The following NSMAF variants were observed in gnomAD, a reference collection of about 807,000 sequenced individuals.
NSMAF encodes the protein protein FAN.
Under a neutral mutation model 134.9 loss-of-function variants are expected in NSMAF, and 90 were observed. The observed-to-expected ratio is 0.67, with a 90% confidence interval of 0.56 to 0.79. The LOEUF (loss-of-function observed/expected upper bound fraction) is 0.79. NSMAF is among the 30% of genes least tolerant of loss of function. NSMAF has a pLI of 0.00. For missense variants in NSMAF, 1,010 were observed against 1,119.0 expected (o/e 0.90, Z 1.39); for synonymous variants, 358 against 389.6 (o/e 0.92, Z 0.96).
intron 9 of NSMAF, among the ~76,000 whole-genome samples, chr8:58,622,750 T>C (rs575764031): frequency 9.9e-5 from 15 of 151,984 alleles, no homozygotes; most frequent in Non-Finnish European, 1.9e-4. Context: ...CCCAGGCTGG[T>C]CTCAAACTCT....
In NSMAF at chr8:58,597,734, C is replaced by T. The variant is rs889014507; in HGVS notation, c.1628+126G>A. 7.7e-6 allele frequency: 7 copies of T among 906,490 alleles called. No individual in the cohort carries two copies. The Admixed American group carries it at 1.3e-4, about 17-fold the overall frequency. 56.2% of individuals were successfully genotyped at this position (906,490 alleles called of 1,614,324 possible). A position where few individuals can be genotyped will look rare whatever the true frequency, so the allele number is the denominator to read the frequency against. Reference sequence around the variant, plus strand: ...TATTTTCTGATGCTCAGTAACACAACAGTGAAAGCAAGATAGAATTCATTT... The same window carrying T: ...TATTTTCTGATGCTCAGTAACACAATAGTGAAAGCAAGATAGAATTCATTT... On this transcript the variant is annotated intron_variant, in intron 20 of 30. Coordinates refer to ENST00000038176, the MANE Select transcript of NSMAF (RefSeq NM_003580.4).
At chr8:58,617,690 G>A (rs1292943165) in intron 9 of NSMAF, among the ~76,000 whole-genome samples, 2 of 152,138 alleles carry the variant, frequency 1.3e-5, no homozygotes, top group African/African-American at 4.8e-5. Context: ...TGGAGAAATA[G>A]GAACACTTTT....
intron 16 of NSMAF, among the ~76,000 whole-genome samples, chr8:58,600,397 G>C (rs963754615): frequency 6.6e-6 from 1 of 152,006 alleles, no homozygotes; most frequent in African/African-American, 2.4e-5. Flanking sequence ...GGCCAAGGCG[G>C]GTGGATCACG....
chr8:58,591,016 C>G, intron 23 of NSMAF, 82 bp from the exon 24 acceptor site: 1 of 1,452,510 alleles, frequency 6.9e-7, no homozygotes, highest in South Asian at 1.2e-5. Context: ...TCTTCTTGTT[C>G]CTGGTGGCCA....
Position 58,633,202 on chromosome 8 carries a change from C to A in NSMAF, c.334-1656G>T, listed in dbSNP as rs183547856. 5.7e-3 allele frequency among the ~76,000 whole-genome samples: 861 copies of A among 152,346 alleles called. 7 individuals are homozygous for A. The highest frequency in any genetic ancestry group is 0.019 in the African/African-American group (807 of 41,574). On this transcript the variant is annotated intron_variant, in intron 5 of 30. Transcript: ENST00000038176. Reference sequence around the variant, plus strand: ...CCCACAAGGCCCCGCATGACACGGTCCCTGCCCCTATTCCAGCCTCCCTTG... The same window carrying A: ...CCCACAAGGCCCCGCATGACACGGTACCTGCCCCTATTCCAGCCTCCCTTG...
At chr8:58,647,873 C>T (rs1807494961) in intron 1 of NSMAF, among the ~76,000 whole-genome samples, 1 of 152,030 alleles carries the variant, frequency 6.6e-6, no homozygotes, top group South Asian at 2.1e-4. Context: ...AAAATTGGCA[C>T]CAGGGAGTAG....
In NSMAF at chr8:58,605,939, C is replaced by T. The variant is rs751525494; in HGVS notation, c.856G>A (p.Ala286Thr). 5.1e-6 allele frequency: 8 copies of T among 1,571,820 alleles called. No homozygotes were observed. The Admixed American group carries it at 5.8e-5, about 11-fold the overall frequency. ...QDRDDLYFYI[A>T]TYLEHHVAEH... ...GTGAGCGCCAAACCTAGGTATGTGG[C>T]AATGTAAAAATAGAGATCATCTCTA... is the stretch of plus-strand genomic sequence containing the variant. The change falls in exon 12 of 31, where the codon GCC becomes ACC. Residue 286 changes from alanine (A) to threonine (T), a missense_variant. Coordinates refer to ENST00000038176, the MANE Select transcript of NSMAF (RefSeq NM_003580.4).
At position 58,584,088 on chromosome 8, in the gene NSMAF, C is replaced by A; in HGVS notation, c.*18G>T. 1.3e-6 allele frequency: 2 copies of A among 1,570,366 alleles called. No homozygotes were observed. The highest frequency in any genetic ancestry group is 1.8e-6 in the Non-Finnish European group (2 of 1,140,392). On this transcript the variant is annotated 3_prime_UTR_variant, in exon 31 of 31. Coordinates refer to ENST00000038176, the MANE Select transcript of NSMAF (RefSeq NM_003580.4). Reference sequence around the variant, plus strand: ...ATTAAATAGAGTTCAATTTAATATTCAGGAGAGGAAAAGGCACTTAATACT... The same window carrying A: ...ATTAAATAGAGTTCAATTTAATATTAAGGAGAGGAAAAGGCACTTAATACT...
intron 23 of NSMAF, among the ~76,000 whole-genome samples, chr8:58,591,481 CTT>C (rs1018380152): frequency 6.4e-4 from 60 of 94,480 alleles, no homozygotes; most frequent in African/African-American, 2.5e-3. Flanking sequence ...AGAAACCTTC[CTT>C]TTTTTTTTTT....
chr8:58,600,450 T>C (rs948116230), intron 16 of NSMAF, among the ~76,000 whole-genome samples: 3 of 151,776 alleles, frequency 2.0e-5, no homozygotes, highest in Admixed American at 6.5e-5. Flanking sequence ...TGGTGAAACC[T>C]CATCTCTACT....
chr8:58,601,560 ATAGAGCT>A, intron 14 of NSMAF, 25 bp from the exon 15 acceptor site: 1 of 1,575,248 alleles, frequency 6.3e-7, no homozygotes, highest in Admixed American at 2.1e-5. Flanking sequence ...AAAAAAAAAA[ATAGAGCT>A]AAGTGTTGGC....
chr8:58,643,131 A>C (rs1807372695), intron 1 of NSMAF, 58 bp from the exon 2 acceptor site: 3 of 1,241,346 alleles, frequency 2.4e-6, no homozygotes, highest in African/African-American at 1.5e-5. Flanking sequence ...ATAAGAAGGC[A>C]ATATATTTAA....
chr8:58,590,074 C>T lies in NSMAF; in HGVS notation c.2020G>A (p.Ala674Thr). 8 of 1,612,130 alleles carry T rather than the reference C, an allele frequency of 5.0e-6. No homozygotes were observed. The highest frequency in any genetic ancestry group is 6.8e-6 in the Non-Finnish European group (8 of 1,178,236). ...GGTAAAAGTAAACAAGACGATAAAG[C>T]CTGAAATACAAATGATTTGACGTTA... ...LQRSISFSNM[A>T]LSSCLLLPGD... The change falls in exon 25 of 31, where the codon GCT becomes ACT. Residue 674 changes from alanine (A) to threonine (T), a missense_variant and splice_region_variant. Ala to Thr is a moderately conservative substitution (Grantham distance 58). Coordinates refer to ENST00000038176, the MANE Select transcript of NSMAF (RefSeq NM_003580.4).
Position 58,611,438 on chromosome 8 carries a change from G to A in NSMAF, c.558-1705C>T, listed in dbSNP as rs550503853. 3.3e-5 allele frequency among the ~76,000 whole-genome samples: 5 copies of A among 152,214 alleles called. No individual in the cohort carries two copies. The East Asian group carries it at 5.8e-4, about 18-fold the overall frequency. On this transcript the variant is annotated intron_variant, in intron 9 of 30. Transcript: ENST00000038176. ...GCCTGTGGTCCCAGCTACTCAGGAC[G>A]CTGAGGATCACTTGAGCCCGGGAGG...
intron 1 of NSMAF, among the ~76,000 whole-genome samples, chr8:58,654,019 C>T (rs980563904): frequency 6.6e-6 from 1 of 152,080 alleles, no homozygotes; most frequent in East Asian, 1.9e-4. Flanking sequence ...TTTCCTCTCC[C>T]GCTGTTTTTC....
At chr8:58,586,021 C>T in intron 28 of NSMAF, 21 bp from the exon 29 acceptor site, 1 of 1,558,712 alleles carries the variant, frequency 6.4e-7, no homozygotes, top group Non-Finnish European at 8.8e-7. Context: ...AGGTGAGACT[C>T]AGATATGAGT....
In NSMAF at chr8:58,590,004, T is replaced by A; in HGVS notation, c.2087+3A>T. The A allele has an allele frequency of 6.2e-7, 1 of 1,612,736 alleles. No homozygotes were observed. Among genetic ancestry groups the A allele is most frequent in the Non-Finnish European group, 8.5e-7 (1 of 1,178,734 alleles). On this transcript the variant is annotated splice_donor_region_variant and intron_variant, in intron 25 of 30. Transcript: ENST00000038176. Reference sequence around the variant, plus strand: ...TCACAGAGCAGGGTGCACAGATACATACACATTATTATCCCATGAAGAAGT... The same window carrying A: ...TCACAGAGCAGGGTGCACAGATACAAACACATTATTATCCCATGAAGAAGT...
chr8:58,624,248 T>C (rs1001831366), intron 6 of NSMAF, among the ~76,000 whole-genome samples: 2 of 151,968 alleles, frequency 1.3e-5, no homozygotes, highest in Non-Finnish European at 2.9e-5. Flanking sequence ...GGTTTCACCA[T>C]GTTGGCCAGG....
chr8:58,602,763 T>A (rs752018366), intron 13 of NSMAF, among the ~76,000 whole-genome samples: 7 of 152,206 alleles, frequency 4.6e-5, no homozygotes, highest in Non-Finnish European at 8.8e-5. Flanking sequence ...AAAGTGGTTA[T>A]CTCTGTAATA....
Sources: gnomAD v4.1 joint callset for allele counts (sites outside exome capture counted in the v4.1 genomes callset) on GRCh38, gnomAD v4.1.1 for gene constraint, MANE v1.5 for transcripts, NCBI Gene and HGNC (gene_info 2026-07-23, HGNC 2026-07-21) for gene names.